ZNF516: variants seen among roughly 807,000 people sequenced by gnomAD.
The protein encoded by ZNF516 is zinc finger protein 516.
ZNF516 carries 19 observed loss-of-function variants against 79.7 expected under a neutral mutation model. The observed-to-expected ratio is 0.24, with a 90% CI of 0.17 to 0.35. The LOEUF is 0.35. Ranked by LOEUF, ZNF516 falls within the 10% of genes least tolerant of loss-of-function variation. The pLI is 1.00. For missense variants in ZNF516, 1,678 were observed against 1,679.5 expected, an observed-to-expected ratio of 1.00 and a Z score of 0.02; for synonymous variants, 877 against 739.5, an observed-to-expected ratio of 1.19 and a Z score of -3.02.
At chr18:76,400,520 T>A (rs1237104108) in intron 3 of ZNF516, among the ~76,000 whole-genome samples, 1 of 152,176 alleles carries the variant, frequency 6.6e-6, no homozygotes, top group Non-Finnish European at 1.5e-5. Flanking sequence ...CTCTTATCGT[T>A]CTGATGAATT....
chr18:76,451,693 G>A lies in ZNF516; in HGVS notation c.-157-8482C>T, dbSNP rs1912425041. 6.6e-6 allele frequency among the ~76,000 whole-genome samples: 1 copy of A among 152,166 alleles called. No homozygotes were observed. The highest frequency in any genetic ancestry group is 1.5e-5 in the Non-Finnish European group (1 of 68,028). ...GTTGGTGTTTGAGTATACTGTGTGT[G>A]TTTGTTCTCCGGGAAACAATGAGAC... On this transcript the variant is annotated intron_variant, in intron 2 of 6. Transcript: ENST00000443185. The surrounding 1 kb of genome is among the most constrained non-coding windows in gnomAD (Gnocchi z 6.0).
At position 76,467,128 on chromosome 18, in the gene ZNF516, C is replaced by T. The variant is rs1913524734; in HGVS notation, c.-271-3987G>A. ...CCCTCTGGGCTGGCAGGAAGTCCTGCGTGTCTCTCGGAACCTGCAGCTCAC... is the reference window on the plus strand; with the variant it reads ...CCCTCTGGGCTGGCAGGAAGTCCTGTGTGTCTCTCGGAACCTGCAGCTCAC... On this transcript the variant is annotated intron_variant, in intron 1 of 6. Coordinates refer to ENST00000443185, the MANE Select transcript of ZNF516 (RefSeq NM_014643.4). The surrounding 1 kb of genome is among the most constrained non-coding windows in gnomAD (Gnocchi z 4.2). 6.6e-6 allele frequency among the ~76,000 whole-genome samples: 1 copy of T among 150,906 alleles called. No homozygotes were observed. The highest frequency in any genetic ancestry group is 1.5e-5 in the Non-Finnish European group (1 of 67,808).
At chr18:76,444,002 G>T (rs1568299794) in intron 2 of ZNF516, among the ~76,000 whole-genome samples, 1 of 152,254 alleles carries the variant, frequency 6.6e-6, no homozygotes, top group Non-Finnish European at 1.5e-5. Context: ...CAGCCTGCCA[G>T]AGAGTAGCTG....
chr18:76,434,003 C>T (rs1245321279), intron 3 of ZNF516, among the ~76,000 whole-genome samples: 3 of 151,654 alleles, frequency 2.0e-5, no homozygotes, highest in Admixed American at 6.6e-5. Context: ...ACCAAGCCCT[C>T]GGCAACGCCT....
chr18:76,413,976 T>C (rs2075402550), intron 3 of ZNF516, among the ~76,000 whole-genome samples: 1 of 152,240 alleles, frequency 6.6e-6, no homozygotes, highest in African/African-American at 2.4e-5. Flanking sequence ...TCAAGAAATT[T>C]CATGTCACTT....
intron 1 of ZNF516, among the ~76,000 whole-genome samples, chr18:76,481,410 G>A (rs187218481): frequency 1.3e-5 from 2 of 152,310 alleles, no homozygotes; most frequent in Admixed American, 1.3e-4. Flanking sequence ...GAAGGGTGGA[G>A]GGACACTGGT....
At chr18:76,466,183 T>G (rs17355696) in intron 1 of ZNF516, among the ~76,000 whole-genome samples, 11,208 of 152,140 alleles carry the variant, frequency 0.074, 651 homozygotes, top group South Asian at 0.19. Flanking sequence ...CGGGAGAGAT[T>G]TGATTTACGA....
chr18:76,405,119 C>A (rs1436884580), intron 3 of ZNF516, among the ~76,000 whole-genome samples: 2 of 152,172 alleles, frequency 1.3e-5, no homozygotes, highest in Non-Finnish European at 2.9e-5. Context: ...CCTCCCGAGG[C>A]CAAGATAAGG....
Position 76,442,860 on chromosome 18 carries a change from G to A in ZNF516, c.195C>T (p.Pro65=), listed in dbSNP as rs779803812. The change falls in exon 3 of 7, where the codon CCC becomes CCT. Residue 65 remains proline, a synonymous_variant. Transcript: ENST00000443185. ...KHTGEKPYKC[P]YCDHRASQKG... is the part of the protein sequence containing the mutation. ...TCTGGGAAGCCCGGTGGTCGCAGTA[G>A]GGACACTTGTAGGGCTTCTCGCCCG... is the stretch of plus-strand genomic sequence containing the variant. 2 of 1,613,600 alleles carry A rather than the reference G, an allele frequency of 1.2e-6. No individual in the cohort carries two copies. Among genetic ancestry groups the A allele is most frequent in the South Asian group, 2.2e-5 (2 of 91,002 alleles).
Position 76,379,179 on chromosome 18 carries a change from T to A in ZNF516, c.2935A>T (p.Ser979Cys). Residue 979 changes from serine to cysteine, a missense_variant, in exon 4 of 7, where the codon AGT becomes TGT. This residue lies in a region of ZNF516 where 1,294 missense variants were observed against 1,248.3 expected (regional missense o/e 1.04). Coordinates refer to ENST00000443185, the MANE Select transcript of ZNF516 (RefSeq NM_014643.4). ...GGAGGTGGACCCTGAGGCTGAGCAC[T>A]GAATTTGGCTTTCAGGGAGTCCGGG... The part of the protein sequence containing the change: ...SAPDSLKAKF[S>C]AQPQGPPPAK... The A allele has an allele frequency of 1.2e-6, 2 of 1,612,872 alleles. No homozygotes were observed. The highest frequency in any genetic ancestry group is 1.7e-6 in the Non-Finnish European group (2 of 1,179,774).
chr18:76,394,936 C>A (rs2075124240), intron 3 of ZNF516, among the ~76,000 whole-genome samples: 1 of 152,146 alleles, frequency 6.6e-6, no homozygotes, highest in African/African-American at 2.4e-5. Context: ...CACGCCCTTT[C>A]TGACTGAACC....
chr18:76,405,804 G>A (rs1478976187), intron 3 of ZNF516, among the ~76,000 whole-genome samples: 1 of 151,990 alleles, frequency 6.6e-6, no homozygotes, highest in African/African-American at 2.4e-5. Context: ...CCTGATGACG[G>A]CTGCCCCTCC....
At chr18:76,418,240 C>T (rs1568274831) in intron 3 of ZNF516, among the ~76,000 whole-genome samples, 1 of 152,134 alleles carries the variant, frequency 6.6e-6, no homozygotes, top group Non-Finnish European at 1.5e-5. Context: ...CGCTATCACA[C>T]TATAACACAC....
Position 76,371,507 on chromosome 18 carries a change from G to T in ZNF516, c.3324C>A (p.His1108Gln), listed in dbSNP as rs1169554641. 1.2e-6 allele frequency: 2 copies of T among 1,610,418 alleles called. No homozygotes were observed. The highest frequency in any genetic ancestry group is 1.7e-6 in the Non-Finnish European group (2 of 1,179,826). The change falls in exon 5 of 7, where the codon CAC becomes CAA. Residue 1108 changes from histidine (H) to glutamine (Q), a missense_variant. By Grantham distance (24) the His-to-Gln change is conservative. Transcript: ENST00000443185. Reference sequence around the variant, plus strand: ...TGTGGGCCCTGAGGTGGCCGGGCTGGTGGAAGCTCTTTCCGCACTCGATGC... The same window carrying T: ...TGTGGGCCCTGAGGTGGCCGGGCTGTTGGAAGCTCTTTCCGCACTCGATGC... Reference protein sequence around the residue: ...FVCIECGKSFHQPGHLRAHMR... With the variant: ...FVCIECGKSFQQPGHLRAHMR...
At chr18:76,403,204 C>A (rs2075254415) in intron 3 of ZNF516, among the ~76,000 whole-genome samples, 1 of 152,234 alleles carries the variant, frequency 6.6e-6, no homozygotes, top group Non-Finnish European at 1.5e-5. Context: ...ACCTGGAAGT[C>A]CATACAACAG....
At chr18:76,463,401 C>T (rs922583230) in intron 1 of ZNF516, among the ~76,000 whole-genome samples, 3 of 152,320 alleles carry the variant, frequency 2.0e-5, no homozygotes, top group South Asian at 4.1e-4. Context: ...AACGCAGCAG[C>T]GAAGGTAACC....
At chr18:76,429,134 T>TG (rs1291516911) in intron 3 of ZNF516, among the ~76,000 whole-genome samples, 2 of 152,186 alleles carry the variant, frequency 1.3e-5, no homozygotes, top group Non-Finnish European at 2.9e-5. Context: ...AAGATGGGTC[T>TG]GGGGTCTCAG....
intron 3 of ZNF516, among the ~76,000 whole-genome samples, chr18:76,381,919 G>A (rs1381448166): frequency 6.6e-6 from 1 of 152,208 alleles, no homozygotes; most frequent in Non-Finnish European, 1.5e-5. Context: ...GTCACCTGAG[G>A]TCAGGAGTTC....
At chr18:76,468,351 C>A (rs1913618657) in intron 1 of ZNF516, among the ~76,000 whole-genome samples, 1 of 151,860 alleles carries the variant, frequency 6.6e-6, no homozygotes, top group South Asian at 2.1e-4. Flanking sequence ...AAATTCATAA[C>A]CTTTCTTAAA....
Sources: gnomAD v4.1 joint callset for allele counts (sites outside exome capture counted in the v4.1 genomes callset) on GRCh38, gnomAD v4.1.1 for gene constraint, gnomAD v4.1.1 regional missense constraint, Gnocchi (gnomAD v3.1) non-coding constraint, MANE v1.5 for transcripts, NCBI Gene and HGNC (gene_info 2026-07-23, HGNC 2026-07-21) for gene names.